Variants in RIC1 observed in about 807,000 individuals in gnomAD.
RIC1 encodes RIC1 partner of RAB6A GEF complex, also known as guanine nucleotide exchange factor subunit RIC1.
In RIC1, 88 loss-of-function variants were observed where a neutral mutation model predicts 169.0. That is an observed-to-expected ratio of 0.52 (90% CI 0.44 to 0.62). RIC1 has a LOEUF of 0.62. Among genes scored for constraint, RIC1 ranks in the 20% least tolerant of loss-of-function variants. The pLI is 0.00. For missense variants in RIC1, 1,877 were observed against 1,725.5 expected (o/e 1.09, Z -1.56); for synonymous variants, 790 against 601.5 (o/e 1.31, Z -4.59).
Position 5,656,577 on chromosome 9 carries a change from A to C in RIC1, c.145-6A>C. The C allele has an allele frequency of 6.9e-7, 1 of 1,447,828 alleles. No homozygotes were observed. Among genetic ancestry groups the C allele is most frequent in the Non-Finnish European group, 9.3e-7 (1 of 1,074,970 alleles). 89.7% of individuals were successfully genotyped at this position (1,447,828 alleles called of 1,614,324 possible). On this transcript the variant is annotated splice_polypyrimidine_tract_variant and splice_region_variant and intron_variant, in intron 1 of 25. Coordinates refer to ENST00000414202, the MANE Select transcript of RIC1 (RefSeq NM_020829.4). ...ATACAACTTTTTTTTTTTTTTAATC[A>C]CACAGCCTAGTGTGTTAATTGTAAC...
chr9:5,651,916 T>C (rs980931087), intron 1 of RIC1, among the ~76,000 whole-genome samples: 1 of 152,214 alleles, frequency 6.6e-6, no homozygotes, highest in Non-Finnish European at 1.5e-5. Flanking sequence ...GATAAGGGTC[T>C]AATTTCATTC....
intron 1 of RIC1, among the ~76,000 whole-genome samples, chr9:5,640,071 T>C (rs1378346233): frequency 2.0e-5 from 3 of 152,218 alleles, no homozygotes; most frequent in African/African-American, 7.2e-5. Context: ...TTGTATTCAA[T>C]GCTATTATTG....
intron 23 of RIC1, among the ~76,000 whole-genome samples, chr9:5,771,823 G>T (rs530683707): frequency 6.6e-6 from 1 of 152,038 alleles, no homozygotes; most frequent in African/African-American, 2.4e-5. Flanking sequence ...CCATGTGGCC[G>T]TCACTCAGCT....
At chr9:5,671,264 TA>T (rs1820076246) in intron 2 of RIC1, among the ~76,000 whole-genome samples, 2 of 149,344 alleles carry the variant, frequency 1.3e-5, no homozygotes, top group South Asian at 4.2e-4. Flanking sequence ...ATTTTATTAT[TA>T]TTATTATTAT....
In RIC1 at chr9:5,763,512, C is replaced by T. The variant is rs1292687415; in HGVS notation, c.2485C>T (p.His829Tyr). The change falls in exon 19 of 26, where the codon CAC becomes TAC. Residue 829 changes from histidine to tyrosine, a missense_variant. Around this residue, in one of 3 missense-constraint regions of RIC1, gnomAD observed 92 missense variants for 151.5 expected, o/e 0.61. Transcript: ENST00000414202. This position sits in a 1 kb window ranked among gnomAD's most constrained non-coding sequence, Gnocchi z 5.2. The part of the protein sequence containing the change: ...VVERTSQIYL[H>Y]HILRQLLVRN... ...GGAGAGAACCTCTCAGATCTACCTCCACCACATTCTACGTCAACTTCTGGT... is the reference window on the plus strand; with the variant it reads ...GGAGAGAACCTCTCAGATCTACCTCTACCACATTCTACGTCAACTTCTGGT... 3.7e-6 allele frequency: 6 copies of T among 1,614,180 alleles called. No homozygotes were observed. Among genetic ancestry groups the T allele is most frequent in the Non-Finnish European group, 5.1e-6 (6 of 1,180,024 alleles).
chr9:5,734,533 A>T (rs1312844257), intron 7 of RIC1, among the ~76,000 whole-genome samples: 7 of 152,214 alleles, frequency 4.6e-5, no homozygotes. Flanking sequence ...TAAAGTTTAT[A>T]ATACCCTTTT....
At chr9:5,664,826 A>G (rs1472710904) in intron 2 of RIC1, among the ~76,000 whole-genome samples, 1 of 151,998 alleles carries the variant, frequency 6.6e-6, no homozygotes, top group African/African-American at 2.4e-5. Flanking sequence ...TTTTTTCTCT[A>G]TTCTTGTCCG....
chr9:5,655,387 A>C (rs1425861849), intron 1 of RIC1, among the ~76,000 whole-genome samples: 1 of 151,880 alleles, frequency 6.6e-6, no homozygotes, highest in African/African-American at 2.4e-5. Flanking sequence ...TGCAACCTCC[A>C]CCTCTCAGGT....
At chr9:5,631,789 A>G (rs1168014839) in intron 1 of RIC1, among the ~76,000 whole-genome samples, 1 of 152,006 alleles carries the variant, frequency 6.6e-6, no homozygotes, top group Non-Finnish European at 1.5e-5. Flanking sequence ...CCAGCTTCCA[A>G]TCTTCTCTTC....
chr9:5,768,609 C>T (rs4348560), intron 21 of RIC1, among the ~76,000 whole-genome samples: 60,881 of 152,008 alleles, frequency 0.4, 12,567 homozygotes, highest in East Asian at 0.58. Flanking sequence ...GCCTCTCTAT[C>T]CTTAGTTTCT....
intron 24 of RIC1, 27 bp from the exon 25 acceptor site, chr9:5,772,865 A>T: frequency 6.3e-7 from 1 of 1,599,330 alleles, no homozygotes; most frequent in Admixed American, 1.7e-5. Context: ...TCTTAGCATA[A>T]ATCATTTTGT....
At chr9:5,766,140 C>G (rs374806018) in intron 21 of RIC1, among the ~76,000 whole-genome samples, 17 of 152,206 alleles carry the variant, frequency 1.1e-4, no homozygotes, top group African/African-American at 4.1e-4. Flanking sequence ...CTTACAGGTT[C>G]AAGCGATTAT....
Position 5,763,062 on chromosome 9 carries a change from A to G in RIC1, c.2113-78A>G. 6.7e-7 allele frequency: 1 copy of G among 1,488,938 alleles called. No individual in the cohort carries two copies. Among genetic ancestry groups the G allele is most frequent in the South Asian group, 1.3e-5 (1 of 74,124 alleles). The allele number at this position is 1,488,938 out of a possible 1,614,324, so 92.2% of individuals were successfully genotyped here. A position where few individuals can be genotyped will look rare whatever the true frequency, so the allele number is the denominator to read the frequency against. ...TATTATACTATCATTTGAAAGACTT[A>G]GTAAACTAGTACCTAGGAACTTAAG... On this transcript the variant is annotated intron_variant, in intron 18 of 25. Coordinates refer to ENST00000414202, the MANE Select transcript of RIC1 (RefSeq NM_020829.4). This position sits in a 1 kb window ranked among gnomAD's most constrained non-coding sequence, Gnocchi z 5.2.
intron 6 of RIC1, among the ~76,000 whole-genome samples, chr9:5,729,221 G>C (rs960754096): frequency 5.3e-5 from 8 of 152,144 alleles, no homozygotes; most frequent in African/African-American, 1.9e-4. Flanking sequence ...TGGTGGAGGT[G>C]GTAGGGGTGG....
At chr9:5,677,499 C>T (rs1315493674) in intron 2 of RIC1, among the ~76,000 whole-genome samples, 1 of 152,132 alleles carries the variant, frequency 6.6e-6, no homozygotes, top group South Asian at 2.1e-4. Context: ...CAGTTGTCTA[C>T]ATATGTGTGG....
In RIC1 at chr9:5,775,326, A is replaced by G. The variant is rs1410632035; in HGVS notation, c.*1080A>G. The G allele has an allele frequency of 2.6e-5, 4 of 152,188 alleles. No homozygotes were observed. Among genetic ancestry groups the G allele is most frequent in the African/African-American group, 9.6e-5 (4 of 41,460 alleles). The allele number at this position is 152,188 out of a possible 1,614,324, so 9.4% of individuals were successfully genotyped here. A position where few individuals can be genotyped will look rare whatever the true frequency, so the allele number is the denominator to read the frequency against. ...CTTCATTGTAAACTTAAAGTATTTT[A>G]TGTACTTCTAGAAATGACTTAAATT... On this transcript the variant is annotated 3_prime_UTR_variant, in exon 26 of 26. Transcript: ENST00000414202.
intron 7 of RIC1, 42 bp from the exon 8 acceptor site, chr9:5,738,408 T>C: frequency 7.6e-7 from 1 of 1,324,042 alleles, no homozygotes; most frequent in Non-Finnish European, 1.1e-6. Flanking sequence ...CTATTTGTAT[T>C]TGTCTTTTTT....
intron 4 of RIC1, among the ~76,000 whole-genome samples, chr9:5,718,759 C>T (rs1276875658): frequency 1.3e-5 from 2 of 152,054 alleles, no homozygotes; most frequent in Non-Finnish European, 2.9e-5. Flanking sequence ...AGTGAAATGT[C>T]TAAAAACTGG....
downstream of RIC1, chr9:5,776,641 T>C (rs1457855053): frequency 3.3e-5 from 5 of 152,208 alleles, no homozygotes; most frequent in African/African-American, 9.6e-5. Context: ...ATTTTCCTTA[T>C]GAAATGAAAT....
Sources: gnomAD v4.1 joint callset for allele counts (sites outside exome capture counted in the v4.1 genomes callset) on GRCh38, gnomAD v4.1.1 for gene constraint, gnomAD v4.1.1 regional missense constraint, Gnocchi (gnomAD v3.1) non-coding constraint, MANE v1.5 for transcripts, NCBI Gene and HGNC (gene_info 2026-07-23, HGNC 2026-07-21) for gene names.